The following DNAAF11 variants were observed in gnomAD, a reference collection of about 807,000 sequenced individuals.
DNAAF11 encodes leucine rich repeat containing 6.
A neutral mutation model predicts 60.8 loss-of-function variants in DNAAF11; 45 were observed. That is an observed-to-expected ratio of 0.74 (90% CI 0.58 to 0.95). The LOEUF is 0.95. Ranked by LOEUF, DNAAF11 falls within the 40% of genes least tolerant of loss-of-function variation. DNAAF11 has a pLI of 0.00. For synonymous variants in DNAAF11, 191 were observed against 183.5 expected (o/e 1.04, Z -0.33); for missense variants, 546 against 546.2 (o/e 1.00, Z 0.00).
At chr8:132,621,162 G>A (rs1460242158) in intron 7 of DNAAF11, among the ~76,000 whole-genome samples, 2 of 152,144 alleles carry the variant, frequency 1.3e-5, no homozygotes, top group African/African-American at 2.4e-5. Flanking sequence ...CCTGAAAGTG[G>A]CGATGGGCTG....
rs186318409 is a variant in DNAAF11 at position 132,599,657 on chromosome 8, G to C, written c.1140+10509C>G. Among the ~76,000 whole-genome samples the C allele has an allele frequency of 4.8e-3, 730 of 152,244 alleles. 10 individuals carry two copies. The highest frequency in any genetic ancestry group is 0.015 in the African/African-American group (604 of 41,546). On this transcript the variant is annotated intron_variant, in intron 10 of 11. Transcript: ENST00000620350. ...ATAAATGTAATCCAGCATATAAACA[G>C]AACCAAAGACAAAAACCACAGGATT...
intron 3 of DNAAF11, among the ~76,000 whole-genome samples, chr8:132,640,336 T>C (rs188048325): frequency 2.5e-4 from 38 of 152,328 alleles, no homozygotes; most frequent in African/African-American, 6.7e-4. Flanking sequence ...ATCTTCTTGA[T>C]GACAACAGTC....
chr8:132,699,320 A>G, the DNAAF11 span, among the ~76,000 whole-genome samples: 1 of 152,006 alleles, frequency 6.6e-6, no homozygotes, highest in African/African-American at 2.4e-5. Flanking sequence ...TGAGTGTCCT[A>G]CAAGTGCCAA....
the DNAAF11 span, among the ~76,000 whole-genome samples, chr8:132,681,161 C>T: frequency 1.3e-5 from 2 of 151,260 alleles, no homozygotes; most frequent in South Asian, 2.1e-4. Context: ...AAGGCATGCA[C>T]GACCACGCCT....
the DNAAF11 span, among the ~76,000 whole-genome samples, chr8:132,700,461 C>G: frequency 6.6e-6 from 1 of 151,172 alleles, no homozygotes; most frequent in African/African-American, 2.4e-5. Context: ...TGAAGTGGTA[C>G]CATTACTTGT....
intron 4 of DNAAF11, among the ~76,000 whole-genome samples, chr8:132,634,434 A>G (rs1292671075): frequency 1.3e-5 from 2 of 152,176 alleles, no homozygotes; most frequent in Non-Finnish European, 2.9e-5. Flanking sequence ...TGTTTCTTGT[A>G]GTATCCTTCA....
At chr8:132,617,184 C>T (rs1443228399) in intron 7 of DNAAF11, among the ~76,000 whole-genome samples, 2 of 151,924 alleles carry the variant, frequency 1.3e-5, no homozygotes, top group Admixed American at 1.3e-4. Flanking sequence ...GAGGTTGGAT[C>T]GAGTTGGGAG....
At chr8:132,635,001 A>G (rs1033205209) in intron 4 of DNAAF11, among the ~76,000 whole-genome samples, 1 of 152,172 alleles carries the variant, frequency 6.6e-6, no homozygotes, top group African/African-American at 2.4e-5. Context: ...TGATTTAATT[A>G]GAACTACATT....
intron 1 of DNAAF11, among the ~76,000 whole-genome samples, chr8:132,666,578 C>T (rs1824649741): frequency 6.6e-6 from 1 of 152,126 alleles, no homozygotes; most frequent in Admixed American, 6.5e-5. Context: ...AAGCACCCAA[C>T]CCAGCTGCGG....
rs533377354 is a variant in DNAAF11 at position 132,631,733 on chromosome 8, A to T, written c.653+1007T>A. ...GATATTTTATTTCTTATTTAAAAAA[A>T]GATCCATCATTCTCAGCAAACTATT... On this transcript the variant is annotated intron_variant, in intron 5 of 11. Coordinates refer to ENST00000620350, the MANE Select transcript of DNAAF11 (RefSeq NM_012472.6). Among the ~76,000 whole-genome samples, 557 of 152,274 alleles carry T rather than the reference A, an allele frequency of 3.7e-3. 3 individuals carry two copies. Among genetic ancestry groups the T allele is most frequent in the African/African-American group, 0.013 (524 of 41,546 alleles).
intron 3 of DNAAF11, among the ~76,000 whole-genome samples, chr8:132,647,847 G>A (rs1393065350): frequency 6.6e-6 from 1 of 152,100 alleles, no homozygotes; most frequent in Non-Finnish European, 1.5e-5. Context: ...CCAATAACAG[G>A]CTCTGAAATT....
At chr8:132,699,464 G>A in the DNAAF11 span, among the ~76,000 whole-genome samples, 1 of 152,182 alleles carries the variant, frequency 6.6e-6, no homozygotes, top group African/African-American at 2.4e-5. Flanking sequence ...CAAGTGGCCT[G>A]ATGTCAGCTT....
chr8:132,636,703 T>C (rs1023889797), intron 4 of DNAAF11, among the ~76,000 whole-genome samples: 4 of 152,336 alleles, frequency 2.6e-5, no homozygotes, highest in South Asian at 2.1e-4. Flanking sequence ...TCTAGTCCTA[T>C]GATAGTCTGG....
chr8:132,601,483 T>C (rs919609427), intron 10 of DNAAF11, among the ~76,000 whole-genome samples: 5 of 152,220 alleles, frequency 3.3e-5, no homozygotes, highest in African/African-American at 4.8e-5. Context: ...CGTATGTTTA[T>C]TGCAGCACTA....
chr8:132,646,362 G>C (rs930227058), intron 3 of DNAAF11, among the ~76,000 whole-genome samples: 40 of 152,154 alleles, frequency 2.6e-4, no homozygotes, highest in Admixed American at 2.6e-3. Flanking sequence ...GGAACAACCG[G>C]TACCAGCCAC....
At chr8:132,647,552 CA>C (rs1283625965) in intron 3 of DNAAF11, among the ~76,000 whole-genome samples, 1 of 152,102 alleles carries the variant, frequency 6.6e-6, no homozygotes, top group Admixed American at 6.5e-5. Context: ...AAAAACCCTT[CA>C]AAAAATCAAT....
At position 132,638,349 on chromosome 8, in the gene DNAAF11, A is replaced by G. The variant is rs187231512; in HGVS notation, c.257-242T>C. On this transcript the variant is annotated intron_variant, in intron 3 of 11. Transcript: ENST00000620350. ...TGAGTCCTTCCAGCCAGGGGAAATC[A>G]CTTTCCCTGCTCACACTTACAAGGC... Among the ~76,000 whole-genome samples, 148 of 152,210 alleles carry G rather than the reference A, an allele frequency of 9.7e-4. 1 individual carries two copies. Among genetic ancestry groups the G allele is most frequent in the African/African-American group, 3.4e-3 (140 of 41,528 alleles).
intron 1 of DNAAF11, among the ~76,000 whole-genome samples, chr8:132,671,405 T>G (rs1191723929): frequency 6.6e-6 from 1 of 152,178 alleles, no homozygotes; most frequent in African/African-American, 2.4e-5. Flanking sequence ...TGGAGATATA[T>G]CCCTTGTTTT....
chr8:132,615,503 T>C (rs1486357942), intron 7 of DNAAF11, among the ~76,000 whole-genome samples: 2 of 152,152 alleles, frequency 1.3e-5, no homozygotes, highest in Non-Finnish European at 2.9e-5. Context: ...ATTCCTTAAG[T>C]TTTAGAGTCC....
Sources: allele counts gnomAD v4.1 joint callset (sites outside exome capture counted in the v4.1 genomes callset), GRCh38; gene constraint gnomAD v4.1.1; transcripts MANE v1.5; gene names NCBI Gene and HGNC (gene_info 2026-07-23, HGNC 2026-07-21).